REEP1: variants seen among roughly 807,000 people sequenced by gnomAD.
REEP1 encodes receptor expression-enhancing protein 1.
A neutral mutation model predicts 40.3 loss-of-function variants in REEP1; 22 were observed. That is an observed-to-expected ratio of 0.55 (90% CI 0.39 to 0.78). The LOEUF is 0.78. Among genes scored for constraint, REEP1 ranks in the 30% least tolerant of loss-of-function variants. REEP1 has a pLI of 0.00. For missense variants in REEP1, 280 were observed against 361.1 expected (o/e 0.78, Z 1.82); for synonymous variants, 116 against 139.2 (o/e 0.83, Z 1.17).
chr2:86,224,933 G>A (rs987400140), intron 7 of REEP1, among the ~76,000 whole-genome samples: 4 of 152,164 alleles, frequency 2.6e-5, no homozygotes, highest in African/African-American at 9.7e-5. Flanking sequence ...CACTCTCCCC[G>A]ACCCCCAAGT....
chr2:86,337,973 G>A (rs2104562837), upstream of REEP1: 1 of 1,481,274 alleles, frequency 6.8e-7, no homozygotes, highest in African/African-American at 1.4e-5. The surrounding 1 kb of genome is among the most constrained non-coding windows in gnomAD (Gnocchi z 5.8). Context: ...GTCTAGGTGG[G>A]ATGCTGTCAT....
At chr2:86,252,884 C>T (rs553917872) in intron 4 of REEP1, among the ~76,000 whole-genome samples, 1 of 152,172 alleles carries the variant, frequency 6.6e-6, no homozygotes, top group East Asian at 1.9e-4. Context: ...TCTTCAGGGA[C>T]CAAAGCCAAG....
intron 6 of REEP1, 117 bp downstream of exon 6, chr2:86,232,508 G>A (rs1014995662): frequency 4.2e-5 from 52 of 1,241,038 alleles, no homozygotes; most frequent in African/African-American, 5.9e-5. Flanking sequence ...TGGACACCCC[G>A]TTGGTGGCAG....
At chr2:86,264,068 G>A in intron 2 of REEP1, 27 bp from the exon 3 acceptor site, 1 of 1,569,476 alleles carries the variant, frequency 6.4e-7, no homozygotes, top group Non-Finnish European at 8.8e-7. Flanking sequence ...CAACACAGCT[G>A]GTAGAAAAGG....
intron 1 of REEP1, among the ~76,000 whole-genome samples, chr2:86,311,717 T>G (rs780423074): frequency 2.0e-4 from 30 of 152,206 alleles, no homozygotes; most frequent in Non-Finnish European, 3.8e-4. Flanking sequence ...AAGACTCTAT[T>G]TCCAAATAAG....
At chr2:86,224,290 G>A (rs1285467373) in intron 7 of REEP1, among the ~76,000 whole-genome samples, 2 of 152,188 alleles carry the variant, frequency 1.3e-5, no homozygotes, top group East Asian at 1.9e-4. Flanking sequence ...ACATTTCAGG[G>A]GACCAGGAGG....
Position 86,254,806 on chromosome 2 carries a change from A to T in REEP1, c.191T>A (p.Phe64Tyr). 2 of 1,614,080 alleles carry T rather than the reference A, an allele frequency of 1.2e-6. No individual in the cohort carries two copies. Among genetic ancestry groups the T allele is most frequent in the Non-Finnish European group, 1.7e-6 (2 of 1,179,984 alleles). Residue 64 changes from phenylalanine (F) to tyrosine (Y), a missense_variant, in exon 4 of 9, where the codon TTC (phenylalanine) becomes TAC (tyrosine). Physicochemically the swap from Phe to Tyr is conservative, Grantham distance 22. This residue lies in a region of REEP1 where 68 missense variants were observed against 83.7 expected (regional missense o/e 0.81). Transcript: ENST00000538924. The part of the protein sequence containing the change: ...FTDIFLCWFP[F>Y]YYELKIAFVA... ...AAATGCTATTTTTAGTTCATAATAGAATGGAAACCTGGAGAGAGAGATGAA... is the reference window on the plus strand; with the variant it reads ...AAATGCTATTTTTAGTTCATAATAGTATGGAAACCTGGAGAGAGAGATGAA...
intron 1 of REEP1, among the ~76,000 whole-genome samples, chr2:86,329,611 A>G (rs1680672272): frequency 6.6e-6 from 1 of 152,118 alleles, no homozygotes; most frequent in Non-Finnish European, 1.5e-5. Flanking sequence ...TTCAATTCAC[A>G]GGGGACATGA....
chr2:86,256,126 A>G (rs1310357351), intron 3 of REEP1, among the ~76,000 whole-genome samples: 5 of 152,006 alleles, frequency 3.3e-5, no homozygotes, highest in African/African-American at 7.3e-5. Flanking sequence ...AGGTGGGTGG[A>G]TCACAAGGTC....
At position 86,327,668 on chromosome 2, in the gene REEP1, C is replaced by T. The variant is rs900990047; in HGVS notation, c.32+9811G>A. Among the ~76,000 whole-genome samples, 8 of 151,478 alleles carry T rather than the reference C, an allele frequency of 5.3e-5. No individual in the cohort carries two copies. In the East Asian group the frequency reaches 7.8e-4, roughly 15 times the overall value. On this transcript the variant is annotated intron_variant, in intron 1 of 8. Coordinates refer to ENST00000538924, the MANE Select transcript of REEP1 (RefSeq NM_001371279.1). Reference sequence around the variant, plus strand: ...CTGCAAGCTCTGCCTCCCAGGTTCACGCCATTCTCCTGCCTCAGCCTCCTG... The same window carrying T: ...CTGCAAGCTCTGCCTCCCAGGTTCATGCCATTCTCCTGCCTCAGCCTCCTG...
intron 1 of REEP1, among the ~76,000 whole-genome samples, chr2:86,289,410 T>C (rs1348085227): frequency 2.0e-5 from 3 of 152,216 alleles, no homozygotes; most frequent in Non-Finnish European, 4.4e-5. Flanking sequence ...GTCTTTATAA[T>C]AACCATAATA....
intron 2 of REEP1, among the ~76,000 whole-genome samples, chr2:86,274,406 C>A (rs1173204961): frequency 6.6e-6 from 1 of 152,138 alleles, no homozygotes; most frequent in Non-Finnish European, 1.5e-5. Context: ...AATGCATTCT[C>A]CTGAAGAAGT....
intron 5 of REEP1, among the ~76,000 whole-genome samples, chr2:86,250,158 A>C (rs1269524189): frequency 1.3e-5 from 2 of 152,204 alleles, no homozygotes; most frequent in Non-Finnish European, 2.9e-5. Flanking sequence ...CTCCATCTTG[A>C]GGCAGACCCA....
intron 1 of REEP1, among the ~76,000 whole-genome samples, chr2:86,311,532 C>G (rs75336486): frequency 0.016 from 2,439 of 152,244 alleles, 53 homozygotes; most frequent in African/African-American, 0.053. Context: ...CAGCTGCTGT[C>G]AATCCCTGGA....
intron 3 of REEP1, among the ~76,000 whole-genome samples, chr2:86,255,240 C>T (rs916306024): frequency 7.3e-5 from 11 of 149,710 alleles, no homozygotes; most frequent in African/African-American, 2.7e-4. Context: ...GGGACAAACA[C>T]CAGGGGGAAT....
chr2:86,294,224 C>T (rs1048623668), intron 1 of REEP1, among the ~76,000 whole-genome samples: 1 of 152,000 alleles, frequency 6.6e-6, no homozygotes, highest in Non-Finnish European at 1.5e-5. Flanking sequence ...ATTGGTTGTA[C>T]AACAATGTGC....
intron 1 of REEP1, among the ~76,000 whole-genome samples, chr2:86,320,152 A>G (rs977719965): frequency 6.6e-6 from 1 of 152,208 alleles, no homozygotes; most frequent in Non-Finnish European, 1.5e-5. Context: ...AGCCTGCTGC[A>G]ATCACTAAAG....
At chr2:86,221,186 T>C (rs2103969808) in intron 7 of REEP1, among the ~76,000 whole-genome samples, 1 of 152,244 alleles carries the variant, frequency 6.6e-6, no homozygotes, top group Middle Eastern at 3.4e-3. Flanking sequence ...TGCTAGACTA[T>C]ACCACCACCA....
chr2:86,293,797 T>A (rs1480218604), intron 1 of REEP1, among the ~76,000 whole-genome samples: 7 of 152,168 alleles, frequency 4.6e-5, no homozygotes, highest in Admixed American at 4.6e-4. Context: ...TCTGTTAAAA[T>A]CAGCCAAGTT....
Sources: allele counts gnomAD v4.1 joint callset (sites outside exome capture counted in the v4.1 genomes callset), GRCh38; gene constraint gnomAD v4.1.1; regional missense constraint gnomAD v4.1.1; non-coding constraint Gnocchi (gnomAD v3.1); transcripts MANE v1.5; gene names NCBI Gene and HGNC (gene_info 2026-07-23, HGNC 2026-07-21).